The following PRDM15 variants were observed in gnomAD, a reference collection of about 807,000 sequenced individuals.
PRDM15 encodes PR domain zinc finger protein 15.
PRDM15 carries 64 observed loss-of-function variants against 128.6 expected under a neutral mutation model. The observed-to-expected ratio is 0.50, with a 90% CI of 0.41 to 0.61. PRDM15 has a LOEUF of 0.61. Ranked by LOEUF, PRDM15 falls within the 20% of genes least tolerant of loss-of-function variation. PRDM15 has a pLI of 0.00. For synonymous variants in PRDM15, 615 were observed against 621.8 expected (o/e 0.99, Z 0.16); for missense variants, 1,242 against 1,569.1 (o/e 0.79, Z 3.52).
At position 41,820,021 on chromosome 21, in the gene PRDM15, G is replaced by A. The variant is rs1037923774; in HGVS notation, c.2140+74C>T. On this transcript the variant is annotated intron_variant, in intron 17 of 23. Coordinates refer to ENST00000398548, the MANE Select transcript of PRDM15 (RefSeq NM_001040424.3). ...CGACGGCTCTGTGTGTAGAATACGC[G>A]GAGACCCCCAGCATCCCTCCCTGCC... 88 of 1,268,850 alleles carry A rather than the reference G, an allele frequency of 6.9e-5. No homozygotes were observed. The South Asian group carries it at 8.1e-4, about 12-fold the overall frequency. The allele number at this position is 1,268,850 out of a possible 1,614,324, so 78.6% of individuals were successfully genotyped here. A position where few individuals can be genotyped will look rare whatever the true frequency, so the allele number is the denominator to read the frequency against.
At position 41,828,251 on chromosome 21, in the gene PRDM15, G is replaced by A. The variant is rs774640851; in HGVS notation, c.1449C>T (p.Gly483=). Residue 483 remains glycine, a synonymous_variant, in exon 12 of 24, where the codon GGC becomes GGT. Coordinates refer to ENST00000398548, the MANE Select transcript of PRDM15 (RefSeq NM_001040424.3). This position sits in a 1 kb window ranked among gnomAD's most constrained non-coding sequence, Gnocchi z 5.7. ...AGACCTCACAGGCAAACTTCTTGTC[G>A]CCGTGCTTCTTCTTGTGCTTGGAGA... ...SNLSKHKKKH[G]DKKFACEVCS... is the part of the protein sequence containing the mutation. The A allele has an allele frequency of 3.7e-5, 60 of 1,613,892 alleles. 1 individual carries two copies. The South Asian group carries it at 5.1e-4, about 14-fold the overall frequency.
intron 1 of PRDM15, among the ~76,000 whole-genome samples, chr21:41,863,930 G>A (rs1205781085): frequency 2.6e-5 from 4 of 151,234 alleles, no homozygotes; most frequent in South Asian, 2.1e-4. Flanking sequence ...GGCAACCTCC[G>A]CCTCCCAAGT....
chr21:41,810,426 G>T lies in PRDM15; in HGVS notation c.2477-97C>A. 1 of 1,398,646 alleles carries T rather than the reference G, an allele frequency of 7.1e-7. No individual in the cohort carries two copies. The highest frequency in any genetic ancestry group is 9.7e-7 in the Non-Finnish European group (1 of 1,031,904). 86.6% of individuals were successfully genotyped at this position (1,398,646 alleles called of 1,614,324 possible). A position where few individuals can be genotyped will look rare whatever the true frequency, so the allele number is the denominator to read the frequency against. Reference sequence around the variant, plus strand: ...CAATGACCCTGGCCTGCTGGACGAGGCAAGAAGCCTGTCACGCCCCGCCCA... The same window carrying T: ...CAATGACCCTGGCCTGCTGGACGAGTCAAGAAGCCTGTCACGCCCCGCCCA... On this transcript the variant is annotated intron_variant, in intron 20 of 23. Coordinates refer to ENST00000398548, the MANE Select transcript of PRDM15 (RefSeq NM_001040424.3). This position sits in a 1 kb window ranked among gnomAD's most constrained non-coding sequence, Gnocchi z 6.4.
At chr21:41,809,234 C>CTTT (rs71332340) in intron 21 of PRDM15, among the ~76,000 whole-genome samples, 7 of 135,716 alleles carry the variant, frequency 5.2e-5, no homozygotes, top group Admixed American at 7.4e-5. Flanking sequence ...CAAATTTTTT[C>CTTT]TTTTTTTTTT....
At position 41,811,055 on chromosome 21, in the gene PRDM15, AC is replaced by A. The variant is rs2061847756; in HGVS notation, c.2393-220del. 5 of 536,594 alleles carry A rather than the reference AC, an allele frequency of 9.3e-6. No homozygotes were observed. The highest frequency in any genetic ancestry group is 3.8e-5 in the African/African-American group (2 of 52,854). 33.2% of individuals were successfully genotyped at this position (536,594 alleles called of 1,614,324 possible). A position where few individuals can be genotyped will look rare whatever the true frequency, so the allele number is the denominator to read the frequency against. On this transcript the variant is annotated intron_variant, in intron 19 of 23. Coordinates refer to ENST00000398548, the MANE Select transcript of PRDM15 (RefSeq NM_001040424.3). This position sits in a 1 kb window ranked among gnomAD's most constrained non-coding sequence, Gnocchi z 4.1. ...CATAGTGACATTTCATATCAAAAAA[AC>A]ATGAGATGTGGGAAAGGCTGTCTGA...
intron 1 of PRDM15, among the ~76,000 whole-genome samples, chr21:41,869,031 T>C (rs555471053): frequency 7.6e-4 from 116 of 152,270 alleles, no homozygotes; most frequent in African/African-American, 2.3e-3. Context: ...TATTTTACGG[T>C]TGTGCTTGAG....
At chr21:41,867,197 C>T in intron 1 of PRDM15, 1 of 790,188 alleles carries the variant, frequency 1.3e-6, no homozygotes, top group Non-Finnish European at 2.1e-6. Context: ...CACAGAGTGA[C>T]CCTGCAGAAG....
At chr21:41,829,034 C>T (rs964688639) in intron 11 of PRDM15, among the ~76,000 whole-genome samples, 15,652 of 147,244 alleles carry the variant, frequency 0.11, 900 homozygotes, top group East Asian at 0.28. Context: ...TACACACACA[C>T]GCCCCACCCA....
chr21:41,864,767 C>G (rs2063940856), intron 1 of PRDM15, among the ~76,000 whole-genome samples: 2 of 152,136 alleles, frequency 1.3e-5, no homozygotes, highest in South Asian at 4.1e-4. Flanking sequence ...AACATAAATC[C>G]AATCACATCG....
At chr21:41,815,984 A>T in intron 18 of PRDM15, 148 bp from the exon 19 acceptor site, 1 of 974,658 alleles carries the variant, frequency 1.0e-6, no homozygotes, top group Non-Finnish European at 1.5e-6. Flanking sequence ...CGGTCAGTCC[A>T]CCAGCGGTGA....
At chr21:41,816,216 G>T (rs571209065) in intron 18 of PRDM15, among the ~76,000 whole-genome samples, 1 of 152,364 alleles carries the variant, frequency 6.6e-6, no homozygotes, top group South Asian at 2.1e-4. Context: ...AATATGAGTG[G>T]TGATTGGGAT....
At chr21:41,805,447 T>G (rs958497255) in intron 21 of PRDM15, among the ~76,000 whole-genome samples, 1 of 152,214 alleles carries the variant, frequency 6.6e-6, no homozygotes, top group Non-Finnish European at 1.5e-5. Context: ...GACTATGCTT[T>G]GTGGATGTAA....
intron 13 of PRDM15, among the ~76,000 whole-genome samples, chr21:41,824,869 T>G (rs2062411923): frequency 6.6e-6 from 1 of 152,204 alleles, no homozygotes; most frequent in Non-Finnish European, 1.5e-5. Context: ...CTTTAAAAGG[T>G]CAAAAGCTCG....
chr21:41,836,912 G>A, intron 8 of PRDM15: 2 of 284,330 alleles, frequency 7.0e-6, no homozygotes, highest in Non-Finnish European at 1.3e-5. Context: ...AGAAAGCCTG[G>A]AGGTCAATTT....
At chr21:41,843,793 T>C (rs2063144996) in intron 6 of PRDM15, among the ~76,000 whole-genome samples, 1 of 152,124 alleles carries the variant, frequency 6.6e-6, no homozygotes, top group African/African-American at 2.4e-5. Context: ...AGCAAGACCC[T>C]GTCTGTACAA....
intron 1 of PRDM15, among the ~76,000 whole-genome samples, chr21:41,875,316 C>T (rs950669996): frequency 6.6e-6 from 1 of 152,286 alleles, no homozygotes; most frequent in Non-Finnish European, 1.5e-5. Flanking sequence ...TCCTGGCGGC[C>T]CCTCGCCCTG....
rs2062741338 is a variant in PRDM15, at chr21:41,832,800, T to C, written c.1366+2637A>G. 6.6e-6 allele frequency among the ~76,000 whole-genome samples: 1 copy of C among 152,194 alleles called. No homozygotes were observed. The highest frequency in any genetic ancestry group is 2.4e-5 in the African/African-American group (1 of 41,434). ...GCCGCCCCGTGGAAGGCAATGGTGC[T>C]GCCAAGAGCTTCAGCTTTCTCCCTC... is the stretch of plus-strand genomic sequence containing the variant. On this transcript the variant is annotated intron_variant, in intron 11 of 23. Transcript: ENST00000398548. The surrounding 1 kb of genome is among the most constrained non-coding windows in gnomAD (Gnocchi z 4.2).
At chr21:41,858,091 T>G (rs909210837) in intron 3 of PRDM15, among the ~76,000 whole-genome samples, 4 of 152,204 alleles carry the variant, frequency 2.6e-5, no homozygotes, top group Admixed American at 2.0e-4. Flanking sequence ...AGGAGCCATA[T>G]GAAGAGCACC....
In PRDM15 at chr21:41,867,510, C is replaced by A. The variant is rs1258255250; in HGVS notation, c.-9-7138G>T. ...CGCAGTGGTTTTTCACAGGCGTGAA[C>A]ATAGCGCACTACAGCCTCAAACTCC... On this transcript the variant is annotated intron_variant, in intron 1 of 23. Coordinates refer to ENST00000398548, the MANE Select transcript of PRDM15 (RefSeq NM_001040424.3). The A allele has an allele frequency of 1.7e-5, 11 of 637,364 alleles. No individual in the cohort carries two copies. The Admixed American group carries it at 2.3e-4, about 13-fold the overall frequency. The allele number at this position is 637,364 out of a possible 1,614,324, so 39.5% of individuals were successfully genotyped here.
Sources: gnomAD v4.1 joint callset for allele counts (sites outside exome capture counted in the v4.1 genomes callset) on GRCh38, gnomAD v4.1.1 for gene constraint, Gnocchi (gnomAD v3.1) non-coding constraint, MANE v1.5 for transcripts, NCBI Gene and HGNC (gene_info 2026-07-23, HGNC 2026-07-21) for gene names.